Variants in MCPH1 observed in about 807,000 individuals in gnomAD.
MCPH1 encodes microcephalin 1, also known as microcephalin.
A neutral mutation model predicts 84.5 loss-of-function variants in MCPH1; 104 were observed. That is an observed-to-expected ratio of 1.23 (90% CI 1.05 to 1.45). The LOEUF is 1.45. Among genes scored for constraint, MCPH1 ranks in the 40% most tolerant of loss-of-function variants. The pLI, the probability that MCPH1 is intolerant of heterozygous loss-of-function variation, is 0.00. For synonymous variants in MCPH1, 514 were observed against 366.8 expected, an observed-to-expected ratio of 1.40 and a Z score of -4.58; for missense variants, 1,498 against 1,005.7, an observed-to-expected ratio of 1.49 and a Z score of -6.62.
chr8:6,461,642 G>C lies in MCPH1; in HGVS notation c.1935+6390G>C, dbSNP rs7836207. On this transcript the variant is annotated intron_variant, in intron 9 of 13. Coordinates refer to ENST00000344683, the MANE Select transcript of MCPH1 (RefSeq NM_024596.5). ...GGCGTGAGCCACCACACCCGGCCTG[G>C]TGAGACTTTATTTGGAGGATCCAGT... 1.2e-4 allele frequency among the ~76,000 whole-genome samples: 19 copies of C among 152,194 alleles called. 1 individual carries two copies. Among genetic ancestry groups the C allele is most frequent in the African/African-American group, 4.3e-4 (18 of 41,534 alleles).
chr8:6,411,274 C>T (rs1174129079), intron 2 of MCPH1, among the ~76,000 whole-genome samples: 1 of 152,122 alleles, frequency 6.6e-6, no homozygotes, highest in Non-Finnish European at 1.5e-5. Flanking sequence ...ACCGTGGTGA[C>T]ATATCCACCA....
intron 11 of MCPH1, among the ~76,000 whole-genome samples, chr8:6,486,324 C>T (rs374403517): frequency 1.3e-5 from 2 of 152,004 alleles, no homozygotes; most frequent in Admixed American, 1.3e-4. Context: ...CTCTCTCGTC[C>T]TCCTCCTTCT....
Position 6,621,836 on chromosome 8 carries a change from C to T in MCPH1, c.2452+145C>T, listed in dbSNP as rs573837742. The T allele has an allele frequency of 4.3e-5, 46 of 1,081,954 alleles. No individual in the cohort carries two copies. In the South Asian group the frequency reaches 4.6e-4, roughly 11 times the overall value. The allele number at this position is 1,081,954 out of a possible 1,614,324, so 67.0% of individuals were successfully genotyped here. A position where few individuals can be genotyped will look rare whatever the true frequency, so the allele number is the denominator to read the frequency against. On this transcript the variant is annotated intron_variant, in intron 13 of 13. Transcript: ENST00000344683. ...CAGCCTCCAGCATCTGCCCTGGCAGCGTCGTGTGGTCACCCTCGGCATTCC... is the reference window on the plus strand; with the variant it reads ...CAGCCTCCAGCATCTGCCCTGGCAGTGTCGTGTGGTCACCCTCGGCATTCC...
intron 12 of MCPH1, among the ~76,000 whole-genome samples, chr8:6,585,711 G>T (rs1827922995): frequency 6.6e-6 from 1 of 152,188 alleles, no homozygotes; most frequent in Non-Finnish European, 1.5e-5. Context: ...GGAAGAGAGA[G>T]AAATTACATG....
chr8:6,494,402 T>G (rs1222184387), intron 11 of MCPH1: 1 of 152,226 alleles, frequency 6.6e-6, no homozygotes, highest in Non-Finnish European at 1.5e-5. Flanking sequence ...TTGAAAAGAT[T>G]AATGGATAAG....
At chr8:6,586,504 C>G (rs1339244729) in intron 12 of MCPH1, among the ~76,000 whole-genome samples, 1 of 152,176 alleles carries the variant, frequency 6.6e-6, no homozygotes, top group East Asian at 1.9e-4. Context: ...CAGTGCGTGT[C>G]TTTATGTGGA....
chr8:6,425,750 C>T (rs1030529911), intron 3 of MCPH1, among the ~76,000 whole-genome samples: 8 of 152,204 alleles, frequency 5.3e-5, no homozygotes, highest in African/African-American at 1.7e-4. Context: ...ATCTTCTCTG[C>T]TCCTCGGTTT....
chr8:6,545,164 T>C (rs911024453), intron 12 of MCPH1, among the ~76,000 whole-genome samples: 4 of 151,954 alleles, frequency 2.6e-5, no homozygotes, highest in African/African-American at 7.3e-5. Flanking sequence ...GTCAGAATAA[T>C]GTCTTCCGGG....
chr8:6,505,464 A>G (rs1238226424), intron 12 of MCPH1, among the ~76,000 whole-genome samples: 1 of 77,002 alleles, frequency 1.3e-5, no homozygotes, highest in Non-Finnish European at 2.9e-5. Flanking sequence ...GAATATATAT[A>G]TTCTTTACAT....
chr8:6,576,139 TCTC>T (rs1448375857), intron 12 of MCPH1, among the ~76,000 whole-genome samples: 3 of 151,892 alleles, frequency 2.0e-5, no homozygotes, highest in Admixed American at 6.6e-5. Context: ...ATTTGGTTCT[TCTC>T]CTTCTTGTTC....
At chr8:6,594,190 C>G (rs1241069210) in intron 12 of MCPH1, among the ~76,000 whole-genome samples, 1 of 152,226 alleles carries the variant, frequency 6.6e-6, no homozygotes, top group Non-Finnish European at 1.5e-5. Flanking sequence ...CCCCGTGTGC[C>G]CAGGTCATAC....
At chr8:6,621,985 C>A in intron 13 of MCPH1, 1 of 439,910 alleles carries the variant, frequency 2.3e-6, no homozygotes, top group Middle Eastern at 6.9e-4. Flanking sequence ...CGGGCCACCC[C>A]TGTGGGCACA....
intron 3 of MCPH1, among the ~76,000 whole-genome samples, chr8:6,426,913 A>G (rs1172258373): frequency 6.6e-6 from 1 of 152,224 alleles, no homozygotes; most frequent in African/African-American, 2.4e-5. Context: ...GGTTTTAAAT[A>G]TACAGTCAGG....
intron 12 of MCPH1, among the ~76,000 whole-genome samples, chr8:6,533,589 T>TTC (rs1554438382): frequency 5.4e-5 from 8 of 147,620 alleles, no homozygotes; most frequent in African/African-American, 1.0e-4. Context: ...TTTTTTTTTT[T>TTC]TTTAAATAAT....
chr8:6,548,938 T>C (rs555635253), intron 12 of MCPH1, among the ~76,000 whole-genome samples: 1 of 152,342 alleles, frequency 6.6e-6, no homozygotes, highest in South Asian at 2.1e-4. Context: ...TAACCTCTGG[T>C]TATAACCTGG....
intron 12 of MCPH1, among the ~76,000 whole-genome samples, chr8:6,553,418 C>G (rs1270582620): frequency 6.6e-6 from 1 of 152,188 alleles, no homozygotes; most frequent in African/African-American, 2.4e-5. Context: ...TAAAAGTACA[C>G]TAGCACACCG....
intron 3 of MCPH1, among the ~76,000 whole-genome samples, chr8:6,428,745 G>GCA (rs59969242): frequency 0.03 from 4,547 of 149,472 alleles, 82 homozygotes; most frequent in African/African-American, 0.053. Context: ...ACGTGCGCAC[G>GCA]CACACACACA....
intron 12 of MCPH1, chr8:6,618,417 A>C (rs553655749): frequency 5.4e-4 from 83 of 152,364 alleles, no homozygotes; most frequent in African/African-American, 1.9e-3. Flanking sequence ...GTCACATCCT[A>C]AACATTCGAG....
chr8:6,424,560 C>G (rs905900077), intron 3 of MCPH1, among the ~76,000 whole-genome samples: 18 of 152,242 alleles, frequency 1.2e-4, no homozygotes, highest in African/African-American at 3.1e-4. Flanking sequence ...TAGTCTTTCA[C>G]TGGCTTTTGT....
Sources: gnomAD v4.1 joint callset for allele counts (sites outside exome capture counted in the v4.1 genomes callset) on GRCh38, gnomAD v4.1.1 for gene constraint, MANE v1.5 for transcripts, NCBI Gene and HGNC (gene_info 2026-07-23, HGNC 2026-07-21) for gene names.